Variants in CCDC77 observed in about 807,000 individuals in gnomAD.
The protein encoded by CCDC77 is coiled-coil domain-containing protein 77.
A neutral mutation model predicts 66.8 loss-of-function variants in CCDC77; 56 were observed. That is an observed-to-expected ratio of 0.84 (90% CI 0.68 to 1.05). The LOEUF (loss-of-function observed/expected upper bound fraction) is 1.05. Among genes scored for constraint, CCDC77 ranks in the 50% least tolerant of loss-of-function variants. CCDC77 has a pLI of 0.00. For missense variants in CCDC77, 570 were observed against 576.8 expected, an observed-to-expected ratio of 0.99 and a Z score of 0.12; for synonymous variants, 196 against 195.2, an observed-to-expected ratio of 1.00 and a Z score of -0.03.
chr12:438,818 C>CAGCA (rs770305527), intron 10 of CCDC77, among the ~76,000 whole-genome samples: 13 of 151,820 alleles, frequency 8.6e-5, no homozygotes, highest in Non-Finnish European at 1.6e-4. Context: ...CCTGTAATCC[C>CAGCA]AGCACTTTGG....
At chr12:439,142 C>A (rs1211167841) in intron 10 of CCDC77, among the ~76,000 whole-genome samples, 1 of 152,094 alleles carries the variant, frequency 6.6e-6, no homozygotes, top group Non-Finnish European at 1.5e-5. Flanking sequence ...CCTAGAGTTA[C>A]AGTAATCTAA....
intron 1 of CCDC77, among the ~76,000 whole-genome samples, chr12:394,766 G>A (rs1944804922): frequency 1.3e-5 from 2 of 152,166 alleles, no homozygotes; most frequent in South Asian, 4.1e-4. Context: ...TTTAGATATA[G>A]AATGGAAGAA....
At chr12:390,285 C>T (rs142439923) in intron 1 of CCDC77, among the ~76,000 whole-genome samples, 95 of 152,306 alleles carry the variant, frequency 6.2e-4, no homozygotes, top group East Asian at 5.6e-3. Context: ...TCCATCCACA[C>T]GTTGGATTGC....
chr12:428,498 G>C (rs540108687), intron 5 of CCDC77, among the ~76,000 whole-genome samples: 1 of 115,382 alleles, frequency 8.7e-6, no homozygotes, highest in Non-Finnish European at 1.6e-5. Flanking sequence ...ACAACAGAGC[G>C]AGACTCTGTC....
chr12:407,467 G>A (rs190926996), intron 2 of CCDC77, among the ~76,000 whole-genome samples: 207 of 152,244 alleles, frequency 1.4e-3, no homozygotes, highest in Middle Eastern at 3.4e-3. Flanking sequence ...ATGGAGAGAC[G>A]GGGTAGGCAG....
In CCDC77 at chr12:415,327, CATAATATTAT is replaced by C. The variant is rs1565567888; in HGVS notation, c.271-3166_271-3157del. 1.7e-3 allele frequency among the ~76,000 whole-genome samples: 154 copies of C among 90,316 alleles called. 6 individuals carry two copies. Among genetic ancestry groups the C allele is most frequent in the South Asian group, 4.6e-3 (11 of 2,406 alleles). 59.3% of individuals were successfully genotyped at this position (90,316 alleles called of 152,430 possible). ...CATAATATTATGTTAATATAATCAA[CATAATATTAT>C]GTTAATATAATCAACATAATATTAT... On this transcript the variant is annotated intron_variant, in intron 4 of 12. Coordinates refer to ENST00000239830, the MANE Select transcript of CCDC77 (RefSeq NM_032358.4).
intron 1 of CCDC77, among the ~76,000 whole-genome samples, chr12:390,505 A>G (rs747667100): frequency 9.2e-5 from 14 of 152,188 alleles, no homozygotes; most frequent in Non-Finnish European, 1.8e-4. Context: ...TGAATAACGC[A>G]GATTGCCCTC....
chr12:424,046 C>G (rs1945485048), intron 5 of CCDC77, among the ~76,000 whole-genome samples: 3 of 152,308 alleles, frequency 2.0e-5, no homozygotes, highest in South Asian at 4.1e-4. Context: ...TCACGGCTCA[C>G]TGCAACCTTT....
At chr12:390,476 G>A (rs967468359) in intron 1 of CCDC77, among the ~76,000 whole-genome samples, 15 of 152,134 alleles carry the variant, frequency 9.9e-5, no homozygotes, top group African/African-American at 3.4e-4. Context: ...TCACCTCTGA[G>A]TAACAAATCA....
chr12:399,671 A>C (rs1944871564), upstream of CCDC77, among the ~76,000 whole-genome samples: 1 of 152,228 alleles, frequency 6.6e-6, no homozygotes, highest in Non-Finnish European at 1.5e-5. Flanking sequence ...AGTAGGACTT[A>C]AAATAAAACA....
intron 1 of CCDC77, among the ~76,000 whole-genome samples, chr12:393,144 G>A (rs1043229067): frequency 6.6e-6 from 1 of 152,004 alleles, no homozygotes; most frequent in African/African-American, 2.4e-5. Context: ...TTAGACACAG[G>A]GTGTCACTCC....
intron 8 of CCDC77, 87 bp from the exon 9 acceptor site, chr12:433,087 T>G: frequency 7.2e-7 from 1 of 1,388,620 alleles, no homozygotes; most frequent in Non-Finnish European, 9.8e-7. Context: ...TGTTTTTTAA[T>G]TTTTCTGGAG....
intron 12 of CCDC77, 31 bp from the exon 13 acceptor site, chr12:441,743 T>G (rs758123000): frequency 6.5e-7 from 1 of 1,546,472 alleles, no homozygotes. Context: ...CCATCATCAT[T>G]TCTTTTTTTT....
At chr12:401,896 C>T (rs1944903283) in intron 1 of CCDC77, among the ~76,000 whole-genome samples, 1 of 152,106 alleles carries the variant, frequency 6.6e-6, no homozygotes, top group South Asian at 2.1e-4. Flanking sequence ...GGACCTGGAG[C>T]AGTGAGGCGG....
In CCDC77 at chr12:438,478, A is replaced by C; in HGVS notation, c.965A>C (p.Lys322Thr). 1 of 1,614,096 alleles carries C rather than the reference A, an allele frequency of 6.2e-7. No homozygotes were observed. The highest frequency in any genetic ancestry group is 1.3e-5 in the African/African-American group (1 of 75,060). ...ATTAAGCAATATAGGGTGCAGTGTA[A>C]GAAGAAAGAAGATAAAATTGGAAAA... ...SKIKQYRVQC[K>T]KKEDKIGKVL... The change falls in exon 10 of 13, where the codon AAG (lysine) becomes ACG (threonine). Residue 322 changes from lysine to threonine, a missense_variant. Physicochemically the swap from Lys to Thr is moderately conservative, Grantham distance 78. Transcript: ENST00000239830.
At chr12:418,817 G>C in intron 5 of CCDC77, 181 bp downstream of exon 5, 1 of 604,258 alleles carries the variant, frequency 1.7e-6, no homozygotes, top group Non-Finnish European at 2.9e-6. Flanking sequence ...TCATGCCTCA[G>C]CCTCTCGAGT....
At chr12:392,001 CTG>C (rs1156634818) in intron 1 of CCDC77, among the ~76,000 whole-genome samples, 1 of 152,220 alleles carries the variant, frequency 6.6e-6, no homozygotes, top group Non-Finnish European at 1.5e-5. Flanking sequence ...TTGAAAATCA[CTG>C]TTGTAAAAAT....
chr12:410,023 G>C (rs897668287), intron 3 of CCDC77, among the ~76,000 whole-genome samples: 1 of 150,802 alleles, frequency 6.6e-6, no homozygotes, highest in African/African-American at 2.4e-5. Context: ...GAAATGTTAA[G>C]TAAACTAGTA....
chr12:422,953 G>A (rs1313615686), intron 5 of CCDC77, among the ~76,000 whole-genome samples: 1 of 151,992 alleles, frequency 6.6e-6, no homozygotes, highest in Non-Finnish European at 1.5e-5. Flanking sequence ...ATACCCAGCA[G>A]TAGATCACAT....
Sources: gnomAD v4.1 joint callset for allele counts (sites outside exome capture counted in the v4.1 genomes callset) on GRCh38, gnomAD v4.1.1 for gene constraint, MANE v1.5 for transcripts, NCBI Gene and HGNC (gene_info 2026-07-23, HGNC 2026-07-21) for gene names.